Variants in CARS1 observed in about 807,000 individuals in gnomAD.
The protein encoded by CARS1 is cysteine--tRNA ligase, cytoplasmic.
In CARS1, 48 loss-of-function variants were observed where a neutral mutation model predicts 106.2. That is an observed-to-expected ratio of 0.45 (90% CI 0.36 to 0.57). The LOEUF (loss-of-function observed/expected upper bound fraction) is 0.57, where lower values mean the gene tolerates loss of function less well. Ranked by LOEUF, CARS1 falls within the 20% of genes least tolerant of loss-of-function variation. CARS1 has a pLI of 0.00. For missense variants in CARS1, 968 were observed against 1,057.2 expected (o/e 0.92, Z 1.17); for synonymous variants, 409 against 403.4 (o/e 1.01, Z -0.17).
rs150252960 is a variant in CARS1, at chr11:3,018,417, C to T, written c.1620G>A (p.Lys540=). 3,668 of 1,611,898 alleles carry T rather than the reference C, an allele frequency of 2.3e-3. 5 individuals carry two copies. The highest frequency in any genetic ancestry group is 2.8e-3 in the Non-Finnish European group (3,348 of 1,177,974). ...NTMESALQYE[K]FLNEFFLNVK... is the part of the protein sequence containing the mutation. ...GGGGCTGGGGACTCACATTCAAGAA[C>T]TTCTCATATTGAAGCGCTGACTCCA... The change falls in exon 14 of 23, where the codon AAG becomes AAA. Residue 540 remains lysine (K), a synonymous_variant. Transcript: ENST00000380525.
chr11:3,017,768 A>G lies in CARS1; in HGVS notation c.1727+89T>C. 1 of 856,776 alleles carries G rather than the reference A, an allele frequency of 1.2e-6. No individual in the cohort carries two copies. The highest frequency in any genetic ancestry group is 1.5e-5 in the South Asian group (1 of 68,740). The allele number at this position is 856,776 out of a possible 1,614,324, so 53.1% of individuals were successfully genotyped here. A position where few individuals can be genotyped will look rare whatever the true frequency, so the allele number is the denominator to read the frequency against. On this transcript the variant is annotated intron_variant, in intron 15 of 22. Transcript: ENST00000380525. The surrounding 1 kb of genome is among the most constrained non-coding windows in gnomAD (Gnocchi z 4.9). Reference sequence around the variant, plus strand: ...CGACAGTGTCCCCAGCCCTTCCTCGACAGTCCAGGACACATGGTGGCCAAG... The same window carrying G: ...CGACAGTGTCCCCAGCCCTTCCTCGGCAGTCCAGGACACATGGTGGCCAAG...
chr11:3,026,848 G>GT (rs1852135431), intron 9 of CARS1, 51 bp from the exon 10 acceptor site: 1 of 1,576,356 alleles, frequency 6.3e-7, no homozygotes, highest in African/African-American at 1.3e-5. Context: ...ACCCGAAAGT[G>GT]TGTCAGCAGG....
intron 7 of CARS1, among the ~76,000 whole-genome samples, chr11:3,036,882 G>A (rs1294579723): frequency 1.3e-5 from 2 of 152,050 alleles, no homozygotes; most frequent in East Asian, 1.9e-4. Flanking sequence ...TACAGCATGG[G>A]TCAACCATGG....
intron 9 of CARS1, chr11:3,027,352 T>G (rs421196): frequency 0.33 from 50,878 of 154,082 alleles, 10,291 homozygotes; most frequent in East Asian, 0.62. Flanking sequence ...TTCTCTTTCA[T>G]CCAGCCTGTG....
chr11:3,029,459 C>G lies in CARS1; in HGVS notation c.802-16G>C. 9.3e-6 allele frequency: 15 copies of G among 1,612,358 alleles called. No individual in the cohort carries two copies. The highest frequency in any genetic ancestry group is 1.2e-5 in the Non-Finnish European group (14 of 1,179,490). The stretch of plus-strand genomic sequence containing the variant: ...CCAGCAACACCTGAAGAGAAAGAAA[C>G]AAAAATCCAGCAGCGGGCCACACAC... On this transcript the variant is annotated splice_polypyrimidine_tract_variant and intron_variant, in intron 7 of 22. Coordinates refer to ENST00000380525, the MANE Select transcript of CARS1 (RefSeq NM_001014437.3). The surrounding 1 kb of genome is among the most constrained non-coding windows in gnomAD (Gnocchi z 5.9).
At chr11:3,025,479 C>A (rs939460457) in intron 10 of CARS1, among the ~76,000 whole-genome samples, 1 of 152,226 alleles carries the variant, frequency 6.6e-6, no homozygotes, top group African/African-American at 2.4e-5. Context: ...CCACCCACCT[C>A]GGCCTCCAAA....
chr11:3,035,691 G>A (rs1853523727), intron 7 of CARS1, among the ~76,000 whole-genome samples: 1 of 152,162 alleles, frequency 6.6e-6, no homozygotes, highest in Non-Finnish European at 1.5e-5. Flanking sequence ...TCACTATTTT[G>A]CCTAGGCTGG....
At position 3,045,915 on chromosome 11, in the gene CARS1, C is replaced by T. The variant is rs1162195295; in HGVS notation, c.274+1838G>A. ...GACTCCATGGCGCCTTGGACCCACT[C>T]GAGGTCACTGGATGCTCTAGCAGTC... On this transcript the variant is annotated intron_variant, in intron 2 of 22. Transcript: ENST00000380525. The surrounding 1 kb of genome is among the most constrained non-coding windows in gnomAD (Gnocchi z 5.6). 2.0e-5 allele frequency among the ~76,000 whole-genome samples: 3 copies of T among 152,156 alleles called. No homozygotes were observed. The highest frequency in any genetic ancestry group is 6.5e-5 in the Admixed American group (1 of 15,282).
intron 18 of CARS1, among the ~76,000 whole-genome samples, chr11:3,011,408 A>G (rs558128481): frequency 6.6e-6 from 1 of 150,996 alleles, no homozygotes; most frequent in South Asian, 2.1e-4. Context: ...GATCGAGACC[A>G]TCCTGGCCAA....
intron 20 of CARS1, among the ~76,000 whole-genome samples, chr11:3,002,845 G>A (rs1386516990): frequency 6.6e-6 from 1 of 152,182 alleles, no homozygotes; most frequent in Non-Finnish European, 1.5e-5. Flanking sequence ...AGATGCAAAG[G>A]TATGCAGCAG....
At position 3,020,366 on chromosome 11, in the gene CARS1, C is replaced by T. The variant is rs1169346601; in HGVS notation, c.1154-34G>A. 7.5e-7 allele frequency: 1 copy of T among 1,332,858 alleles called. No individual in the cohort carries two copies. The highest frequency in any genetic ancestry group is 1.7e-5 in the Admixed American group (1 of 59,498). The allele number at this position is 1,332,858 out of a possible 1,614,324, so 82.6% of individuals were successfully genotyped here. On this transcript the variant is annotated intron_variant, in intron 10 of 22. Transcript: ENST00000380525. The surrounding 1 kb of genome is among the most constrained non-coding windows in gnomAD (Gnocchi z 4.6). ...ACGAGGGACGCCAGGCAAGGTCACT[C>T]AGCAGCACCCACAGACCCACATGTC...
chr11:3,057,225 C>T, intron 1 of CARS1, 118 bp downstream of exon 1: 2 of 908,904 alleles, frequency 2.2e-6, no homozygotes, highest in Non-Finnish European at 3.5e-6. Context: ...ACAGCTGCCC[C>T]TCAGAACCCA....
At position 3,004,555 on chromosome 11, in the gene CARS1, C is replaced by T. The variant is rs2134080246; in HGVS notation, c.2217+811G>A. Among the ~76,000 whole-genome samples the T allele has an allele frequency of 6.6e-6, 1 of 152,348 alleles. No individual in the cohort carries two copies. The highest frequency in any genetic ancestry group is 3.4e-3 in the Middle Eastern group (1 of 294). ...GCAACAGCCCCCATGGCCCACCTCC[C>T]ATGGTGTGCACTGGGGGCCCAGGTG... On this transcript the variant is annotated intron_variant, in intron 20 of 22. Coordinates refer to ENST00000380525, the MANE Select transcript of CARS1 (RefSeq NM_001014437.3). The surrounding 1 kb of genome is among the most constrained non-coding windows in gnomAD (Gnocchi z 5.2).
In CARS1 at chr11:3,050,851, T is replaced by C. The variant is rs1009777906; in HGVS notation, c.26-2850A>G. ...GCCTCTAGACCCTGAGCCTGGCTGCTCTTTCTCTCCGCAGCACCCCTGTCT... is the reference window on the plus strand; with the variant it reads ...GCCTCTAGACCCTGAGCCTGGCTGCCCTTTCTCTCCGCAGCACCCCTGTCT... On this transcript the variant is annotated intron_variant, in intron 1 of 22. Transcript: ENST00000380525. The surrounding 1 kb of genome is among the most constrained non-coding windows in gnomAD (Gnocchi z 6.3). 6.6e-6 allele frequency among the ~76,000 whole-genome samples: 1 copy of C among 152,190 alleles called. No individual in the cohort carries two copies. Among genetic ancestry groups the C allele is most frequent in the Non-Finnish European group, 1.5e-5 (1 of 68,028 alleles).
rs1852618560 is a variant in CARS1, at chr11:3,030,494, G to A, written c.802-1051C>T. The A allele has an allele frequency of 6.6e-6, 1 of 152,272 alleles. No individual in the cohort carries two copies. Among genetic ancestry groups the A allele is most frequent in the African/African-American group, 2.4e-5 (1 of 41,466 alleles). The allele number at this position is 152,272 out of a possible 1,614,324, so 9.4% of individuals were successfully genotyped here. On this transcript the variant is annotated intron_variant, in intron 7 of 22. Transcript: ENST00000380525. This position sits in a 1 kb window ranked among gnomAD's most constrained non-coding sequence, Gnocchi z 5.7. ...CGCTCTGGGGAGCAAAGGCTGCCAA[G>A]TCTGCTGCCCGAAAAGCAAACACTG...
At chr11:3,012,554 G>C (rs1850587291) in intron 17 of CARS1, among the ~76,000 whole-genome samples, 1 of 152,248 alleles carries the variant, frequency 6.6e-6, no homozygotes, top group African/African-American at 2.4e-5. Context: ...CTGCCCAGCT[G>C]CTGACAGGCC....
intron 22 of CARS1, among the ~76,000 whole-genome samples, chr11:3,001,693 T>C (rs1056496196): frequency 6.6e-6 from 1 of 152,158 alleles, no homozygotes; most frequent in Admixed American, 6.5e-5. Flanking sequence ...AGGGCCTGGG[T>C]GGATCTTGGC....
Position 3,022,406 on chromosome 11 carries a change from A to C in CARS1, c.1154-2074T>G, listed in dbSNP as rs145446449. Among the ~76,000 whole-genome samples, 1 of 152,186 alleles carries C rather than the reference A, an allele frequency of 6.6e-6. No individual in the cohort carries two copies. Among genetic ancestry groups the C allele is most frequent in the African/African-American group, 2.4e-5 (1 of 41,528 alleles). Reference sequence around the variant, plus strand: ...CCGGCAATCCCCATCACCTGTCCAGAGCAATTAAAAACCCCTCCCCAAATC... The same window carrying C: ...CCGGCAATCCCCATCACCTGTCCAGCGCAATTAAAAACCCCTCCCCAAATC... On this transcript the variant is annotated intron_variant, in intron 10 of 22. Transcript: ENST00000380525. The surrounding 1 kb of genome is among the most constrained non-coding windows in gnomAD (Gnocchi z 4.9).
In CARS1 at chr11:3,026,267, T is replaced by C. The variant is rs531253810; in HGVS notation, c.1153+409A>G. Among the ~76,000 whole-genome samples, 8 of 152,314 alleles carry C rather than the reference T, an allele frequency of 5.3e-5. No individual in the cohort carries two copies. The East Asian group carries it at 1.5e-3, about 29-fold the overall frequency. On this transcript the variant is annotated intron_variant, in intron 10 of 22. Transcript: ENST00000380525. ...ACACACAGACAGAAAGAATAGGTTC[T>C]TGTGGTCACTAGCACAGTAGGGTGA...
Sources: allele counts gnomAD v4.1 joint callset (sites outside exome capture counted in the v4.1 genomes callset), GRCh38; gene constraint gnomAD v4.1.1; non-coding constraint Gnocchi (gnomAD v3.1); transcripts MANE v1.5; gene names NCBI Gene and HGNC (gene_info 2026-07-23, HGNC 2026-07-21).